The following ADIPOR2 variants were observed in gnomAD, a reference collection of about 807,000 sequenced individuals.
ADIPOR2 encodes the protein adiponectin receptor 2, also known as adiponectin receptor protein 2.
In ADIPOR2, 18 loss-of-function variants were observed where a neutral mutation model predicts 40.9. The ratio of observed to expected loss-of-function variants is 0.44; its 90% CI spans 0.30 to 0.65. The LOEUF (loss-of-function observed/expected upper bound fraction) is 0.65, where lower values mean the gene tolerates loss of function less well. Ranked by LOEUF, ADIPOR2 falls within the 30% of genes least tolerant of loss-of-function variation. The pLI, the probability that ADIPOR2 is intolerant of heterozygous loss-of-function variation, is 0.09. For synonymous variants in ADIPOR2, 165 were observed against 166.4 expected (o/e 0.99, Z 0.06); for missense variants, 283 against 479.2 (o/e 0.59, Z 3.82).
intron 2 of ADIPOR2, among the ~76,000 whole-genome samples, chr12:1,762,328 T>C (rs1280942318): frequency 2.0e-5 from 3 of 152,144 alleles, no homozygotes; most frequent in African/African-American, 7.2e-5. Context: ...ATAAAACATA[T>C]TTTATAAAAA....
At position 1,723,622 on chromosome 12, in the gene ADIPOR2, A is replaced by G. The variant is rs183869166; in HGVS notation, c.-86-30636A>G. Among the ~76,000 whole-genome samples, 772 of 152,088 alleles carry G rather than the reference A, an allele frequency of 5.1e-3. 1 individual carries two copies. Among genetic ancestry groups the G allele is most frequent in the Non-Finnish European group, 8.1e-3 (551 of 67,996 alleles). On this transcript the variant is annotated intron_variant, in intron 1 of 7. Coordinates refer to ENST00000357103, the MANE Select transcript of ADIPOR2 (RefSeq NM_024551.3). ...GTCACTGCATTCCAGTCTGGGTGAC[A>G]GAGCAAGACTCCATCTCAAAAACAA...
At chr12:1,769,135 A>G (rs904525474) in intron 2 of ADIPOR2, among the ~76,000 whole-genome samples, 2 of 152,200 alleles carry the variant, frequency 1.3e-5, no homozygotes, top group Admixed American at 1.3e-4. Context: ...TGGAAATTAG[A>G]AATAGTAATT....
chr12:1,743,238 A>AAAC (rs1555169144), intron 1 of ADIPOR2, among the ~76,000 whole-genome samples: 2 of 131,124 alleles, frequency 1.5e-5, no homozygotes, highest in African/African-American at 5.2e-5. Context: ...CCAAAAAAAA[A>AAAC]AAAAAAAACA....
chr12:1,726,894 C>T (rs1233073696), intron 1 of ADIPOR2, among the ~76,000 whole-genome samples: 4 of 152,172 alleles, frequency 2.6e-5, no homozygotes, highest in Non-Finnish European at 4.4e-5. Context: ...CTTTTCATCT[C>T]GGCAAATAGC....
In ADIPOR2 at chr12:1,780,794, G is replaced by A. The variant is rs182238128; in HGVS notation, c.651-95G>A. 30 of 1,382,374 alleles carry A rather than the reference G, an allele frequency of 2.2e-5. No homozygotes were observed. The East Asian group carries it at 3.9e-4, about 18-fold the overall frequency. 85.6% of individuals were successfully genotyped at this position (1,382,374 alleles called of 1,614,324 possible). The stretch of plus-strand genomic sequence containing the variant: ...CAACCCAGTTTGGCTCTTAGGTGTC[G>A]TTGATGGCTTATGTCATGAGGGATT... On this transcript the variant is annotated intron_variant, in intron 5 of 7. Transcript: ENST00000357103.
At chr12:1,714,820 C>G (rs2094684430) in intron 1 of ADIPOR2, among the ~76,000 whole-genome samples, 1 of 152,118 alleles carries the variant, frequency 6.6e-6, no homozygotes, top group African/African-American at 2.4e-5. Flanking sequence ...AGGGTTTGAT[C>G]TAACAATAGC....
intron 1 of ADIPOR2, among the ~76,000 whole-genome samples, chr12:1,725,950 T>G (rs2094707124): frequency 6.6e-6 from 1 of 152,216 alleles, no homozygotes. Flanking sequence ...AGTTGCAGTT[T>G]GGGATTCAGC....
intron 1 of ADIPOR2, among the ~76,000 whole-genome samples, chr12:1,718,455 AT>A (rs112954327): frequency 0.016 from 2,324 of 148,098 alleles, 22 homozygotes; most frequent in Middle Eastern, 0.056. Context: ...ACAAATTCAG[AT>A]TTTTTTTTTT....
At chr12:1,721,664 T>C (rs559589297) in intron 1 of ADIPOR2, among the ~76,000 whole-genome samples, 1 of 152,310 alleles carries the variant, frequency 6.6e-6, no homozygotes, top group African/African-American at 2.4e-5. Flanking sequence ...AGACAAGTGC[T>C]ATGAAAGAGA....
intron 1 of ADIPOR2, among the ~76,000 whole-genome samples, chr12:1,728,904 A>G (rs1334795710): frequency 6.6e-6 from 1 of 151,842 alleles, no homozygotes; most frequent in East Asian, 1.9e-4. Context: ...TTACTGTTAA[A>G]AAATCTTAGA....
intron 1 of ADIPOR2, among the ~76,000 whole-genome samples, chr12:1,718,851 C>T (rs187962075): frequency 8.2e-4 from 125 of 152,134 alleles, no homozygotes; most frequent in Non-Finnish European, 1.1e-3. Flanking sequence ...TAAGCTAGGA[C>T]GGGTTCCTTG....
intron 1 of ADIPOR2, chr12:1,730,648 C>T (rs912008989): frequency 4.7e-5 from 7 of 150,074 alleles, no homozygotes; most frequent in Middle Eastern, 7.0e-3. Context: ...CCAAACAACA[C>T]TTGTTCAATC....
chr12:1,737,644 G>A (rs549000599), intron 1 of ADIPOR2, among the ~76,000 whole-genome samples: 63 of 152,248 alleles, frequency 4.1e-4, no homozygotes, highest in Admixed American at 3.0e-3. Flanking sequence ...GTGCCGTGGT[G>A]TGATCTTGGC....
intron 1 of ADIPOR2, among the ~76,000 whole-genome samples, chr12:1,737,288 T>A (rs1283025946): frequency 1.3e-5 from 2 of 152,192 alleles, no homozygotes; most frequent in Non-Finnish European, 2.9e-5. Flanking sequence ...CCTTTTATAG[T>A]TGAAGTTGTT....
At chr12:1,718,523 A>T (rs907964184) in intron 1 of ADIPOR2, among the ~76,000 whole-genome samples, 2 of 152,138 alleles carry the variant, frequency 1.3e-5, no homozygotes, top group Non-Finnish European at 2.9e-5. Context: ...TCTTTTTAGA[A>T]AGTCAAATTT....
At chr12:1,755,300 C>T (rs984433375) in intron 2 of ADIPOR2, among the ~76,000 whole-genome samples, 3 of 152,022 alleles carry the variant, frequency 2.0e-5, no homozygotes, top group African/African-American at 7.3e-5. Flanking sequence ...GGATGGTCTC[C>T]ATCTCAACCT....
intron 1 of ADIPOR2, among the ~76,000 whole-genome samples, chr12:1,742,966 T>C (rs774277536): frequency 6.6e-6 from 1 of 152,120 alleles, no homozygotes; most frequent in Non-Finnish European, 1.5e-5. Context: ...TTTTTTTGTT[T>C]GTGAAGAGTT....
rs183184546 is a variant in ADIPOR2, at chr12:1,692,112, C to T, written c.-87+921C>T. ...TTTTTTTTTTTTTATCACCCCTTCCCCTCACCCAGAGAATCCCTTTAAACG... is the reference window on the plus strand; with the variant it reads ...TTTTTTTTTTTTTATCACCCCTTCCTCTCACCCAGAGAATCCCTTTAAACG... On this transcript the variant is annotated intron_variant, in intron 1 of 7. Coordinates refer to ENST00000357103, the MANE Select transcript of ADIPOR2 (RefSeq NM_024551.3). Among the ~76,000 whole-genome samples, 30 of 149,838 alleles carry T rather than the reference C, an allele frequency of 2.0e-4. No individual in the cohort carries two copies. The East Asian group carries it at 4.5e-3, about 23-fold the overall frequency.
rs570280834 is a variant in ADIPOR2 at position 1,727,607 on chromosome 12, A to G, written c.-86-26651A>G. On this transcript the variant is annotated intron_variant, in intron 1 of 7. Coordinates refer to ENST00000357103, the MANE Select transcript of ADIPOR2 (RefSeq NM_024551.3). Reference sequence around the variant, plus strand: ...GGCACCCACAGCCCCTGCCTCTCCCAGAGCAGCAGTACCTGAGCCTCAGTG... The same window carrying G: ...GGCACCCACAGCCCCTGCCTCTCCCGGAGCAGCAGTACCTGAGCCTCAGTG... Among the ~76,000 whole-genome samples the G allele has an allele frequency of 3.9e-5, 6 of 152,240 alleles. No individual in the cohort carries two copies. The East Asian group carries it at 1.2e-3, about 29-fold the overall frequency.
Sources: gnomAD v4.1 joint callset for allele counts (sites outside exome capture counted in the v4.1 genomes callset) on GRCh38, gnomAD v4.1.1 for gene constraint, MANE v1.5 for transcripts, NCBI Gene and HGNC (gene_info 2026-07-23, HGNC 2026-07-21) for gene names.